Variants in DNAH17 observed in about 807,000 individuals in gnomAD.
The protein encoded by DNAH17 is dynein axonemal heavy chain 17.
DNAH17 carries 376 observed loss-of-function variants against 485.6 expected under a neutral mutation model. The ratio of observed to expected loss-of-function variants is 0.77; its 90% CI spans 0.71 to 0.84. The LOEUF (loss-of-function observed/expected upper bound fraction) is 0.84. DNAH17 is among the 40% of genes least tolerant of loss of function. The pLI is 0.00. For synonymous variants in DNAH17, 3,031 were observed against 2,405.9 expected (o/e 1.26, Z -7.60); for missense variants, 6,370 against 5,839.3 (o/e 1.09, Z -2.96).
intron 46 of DNAH17, 47 bp downstream of exon 46, chr17:78,485,901 ACTGCACCGATTC>A: frequency 6.3e-7 from 1 of 1,589,514 alleles, no homozygotes; most frequent in South Asian, 1.1e-5. Context: ...TGTGGAGGGT[ACTGCACCGATTC>A]CTGCCTCTAA....
chr17:78,503,211 G>A (rs2090363333), intron 31 of DNAH17, among the ~76,000 whole-genome samples, 200 bp from the exon 32 acceptor site: 1 of 118,248 alleles, frequency 8.5e-6, no homozygotes, highest in African/African-American at 3.3e-5. Context: ...ATGGAGTCTT[G>A]CTCTGTCACC....
In DNAH17 at chr17:78,486,266, G is replaced by A. The variant is rs749161639; in HGVS notation, c.7059C>T (p.Phe2353=). The A allele has an allele frequency of 6.1e-5, 98 of 1,602,442 alleles. No individual in the cohort carries two copies. Among genetic ancestry groups the A allele is most frequent in the Non-Finnish European group, 7.7e-5 (90 of 1,171,692 alleles). Reference sequence around the variant, plus strand: ...CGCCACCGAAGGCCCAGAAGCAGGTGAACACGAAGTACAGCTCGTACAGCT... The same window carrying A: ...CGCCACCGAAGGCCCAGAAGCAGGTAAACACGAAGTACAGCTCGTACAGCT... The part of the protein sequence containing the change: ...PRELYELYFV[F]TCFWAFGGAM... Residue 2353 remains phenylalanine, a synonymous_variant, in exon 45 of 81, where the codon TTC becomes TTT. Transcript: ENST00000389840.
chr17:78,428,182 G>A (rs1020818222), intron 77 of DNAH17: 1 of 388,418 alleles, frequency 2.6e-6, no homozygotes, highest in East Asian at 6.0e-5. Flanking sequence ...GTGCTGGCCA[G>A]GCCAGGGTGG....
intron 76 of DNAH17, 111 bp downstream of exon 76, chr17:78,429,010 G>T: frequency 1.7e-6 from 2 of 1,151,674 alleles, no homozygotes; most frequent in Non-Finnish European, 2.5e-6. Flanking sequence ...CTCTTATTTT[G>T]GCTGCCTGGG....
Position 78,561,807 on chromosome 17 carries a change from G to T in DNAH17, c.1743C>A (p.Asn581Lys), listed in dbSNP as rs1220406134. Residue 581 changes from asparagine to lysine, a missense_variant, in exon 12 of 81, where the codon AAC becomes AAA. Asn to Lys is a moderately conservative substitution (Grantham distance 94). Transcript: ENST00000389840. Reference sequence around the variant, plus strand: ...TGAGCTGCCCGGCCACGGGAGGCATGTTTTTGTGGATCAGGGGGATGTTCC... The same window carrying T: ...TGAGCTGCCCGGCCACGGGAGGCATTTTTTTGTGGATCAGGGGGATGTTCC... ...EEGNIPLIHKNMPPVAGQLKW... is the reference protein window; with the variant it reads ...EEGNIPLIHKKMPPVAGQLKW... 2 of 1,613,780 alleles carry T rather than the reference G, an allele frequency of 1.2e-6. No homozygotes were observed. The highest frequency in any genetic ancestry group is 2.7e-5 in the African/African-American group (2 of 74,946).
In DNAH17 at chr17:78,451,626, C is replaced by A; in HGVS notation, c.10577G>T (p.Arg3526Leu). ...DKEVEYHPKF[R>L]LILHTKYFNP... ...GAAGTACTTGGTGTGTAGGATCAGGCGGAACTTGGGGTGGTACTCCACCTC... is the reference window on the plus strand; with the variant it reads ...GAAGTACTTGGTGTGTAGGATCAGGAGGAACTTGGGGTGGTACTCCACCTC... The change falls in exon 66 of 81, where the codon CGC becomes CTC. Residue 3526 changes from arginine (R) to leucine (L), a missense_variant. By Grantham distance (102) the Arg-to-Leu change is moderately radical. Coordinates refer to ENST00000389840, the MANE Select transcript of DNAH17 (RefSeq NM_173628.4). 1 of 1,599,324 alleles carries A rather than the reference C, an allele frequency of 6.3e-7. No individual in the cohort carries two copies. Among genetic ancestry groups the A allele is most frequent in the Non-Finnish European group, 8.5e-7 (1 of 1,173,084 alleles).
intron 68 of DNAH17, chr17:78,449,912 G>T: frequency 2.3e-6 from 1 of 434,462 alleles, no homozygotes; most frequent in South Asian, 3.1e-5. Flanking sequence ...CTGACCTCAG[G>T]TGATCCACCC....
chr17:78,575,959 G>T (rs148644243), intron 1 of DNAH17, among the ~76,000 whole-genome samples: 266 of 152,364 alleles, frequency 1.7e-3, no homozygotes, highest in African/African-American at 5.8e-3. Context: ...GGCGAGTTCT[G>T]CAAGGGCAGG....
chr17:78,475,979 G>T (rs2088998361), intron 52 of DNAH17, 146 bp from the exon 53 acceptor site: 5 of 885,982 alleles, frequency 5.6e-6, no homozygotes, highest in Non-Finnish European at 8.4e-6. Flanking sequence ...CAAACCTGCT[G>T]CCGTGGGCCC....
At chr17:78,551,434 C>T in intron 16 of DNAH17, 101 bp downstream of exon 16, 1 of 1,051,126 alleles carries the variant, frequency 9.5e-7, no homozygotes, top group Non-Finnish European at 1.4e-6. Flanking sequence ...CTGCACCCCA[C>T]ACATCGCAGC....
Position 78,444,804 on chromosome 17 carries a change from G to A in DNAH17, c.11335-7C>T. 1.9e-6 allele frequency: 3 copies of A among 1,555,590 alleles called. No homozygotes were observed. In the South Asian group the frequency reaches 3.7e-5, roughly 19 times the overall value. On this transcript the variant is annotated splice_polypyrimidine_tract_variant and splice_region_variant and intron_variant, in intron 70 of 80. Transcript: ENST00000389840. ...CATCCATCTCCGAGAGGGCCTAGGG[G>A]CAGAGGCAGCGGGCCCTGTGACTCT...
At chr17:78,448,247 C>T (rs1387831579) in intron 69 of DNAH17, among the ~76,000 whole-genome samples, 1 of 151,800 alleles carries the variant, frequency 6.6e-6, no homozygotes, top group Non-Finnish European at 1.5e-5. Flanking sequence ...CACTTGTATT[C>T]CCAGCTACAG....
At chr17:78,540,903 G>A (rs1422272573) in intron 17 of DNAH17, among the ~76,000 whole-genome samples, 2 of 68 alleles carry the variant, frequency 0.029, no homozygotes, top group Non-Finnish European at 0.077. Flanking sequence ...GGGTGGGTGG[G>A]TGGGTGGGTG....
chr17:78,492,243 C>T (rs1478230865), intron 42 of DNAH17, among the ~76,000 whole-genome samples: 3 of 152,160 alleles, frequency 2.0e-5, no homozygotes, highest in Non-Finnish European at 2.9e-5. Context: ...AGTGACGCCA[C>T]CTCCTGGGGG....
chr17:78,477,352 G>A (rs143272456), intron 51 of DNAH17, among the ~76,000 whole-genome samples: 23 of 151,558 alleles, frequency 1.5e-4, no homozygotes, highest in African/African-American at 5.4e-4. Flanking sequence ...GTGAGAGCAT[G>A]GCATTTGGGC....
rs754128346 is a variant in DNAH17, at chr17:78,532,630, C to G, written c.2966G>C (p.Arg989Thr). 1 of 1,602,526 alleles carries G rather than the reference C, an allele frequency of 6.2e-7. No individual in the cohort carries two copies. Among genetic ancestry groups the G allele is most frequent in the Non-Finnish European group, 8.5e-7 (1 of 1,174,122 alleles). The change falls in exon 20 of 81, where the codon AGG (arginine) becomes ACG (threonine). Residue 989 changes from arginine to threonine, a missense_variant. Transcript: ENST00000389840. ...GTTGTCCGTCCAGAGGTAGGAGTAC[C>G]TCTCAAAGGAATCCTGGTACTCCTC... ...EAEEYQDSFE[R>T]YSYLWTDNLQ...
chr17:78,485,492 G>T, intron 47 of DNAH17, 58 bp downstream of exon 47: 1 of 1,504,090 alleles, frequency 6.6e-7, no homozygotes, highest in Non-Finnish European at 9.0e-7. Flanking sequence ...GGGACAGGAG[G>T]GAACGGGGAC....
In DNAH17 at chr17:78,450,805, C is replaced by G. The variant is rs1468302549; in HGVS notation, c.10776G>C (p.Leu3592=). 3 of 1,613,944 alleles carry G rather than the reference C, an allele frequency of 1.9e-6. No homozygotes were observed. The highest frequency in any genetic ancestry group is 2.7e-5 in the African/African-American group (2 of 74,960). ...TKSQNEFKIV[L]KELEDSLLAR... ...CCAGGAGCGAATCTTCCAGCTCTTT[C>G]AGAACAATCTTAAATTCGTTTTGAG... The change falls in exon 67 of 81, where the codon CTG becomes CTC. Residue 3592 remains leucine, a synonymous_variant. Transcript: ENST00000389840.
chr17:78,468,030 AAAAG>A (rs1234583354), intron 55 of DNAH17, among the ~76,000 whole-genome samples: 58 of 102,752 alleles, frequency 5.6e-4, no homozygotes, highest in Non-Finnish European at 8.8e-4. Flanking sequence ...AAAAAAAAAA[AAAAG>A]AGAGAGAGAG....
Sources: gnomAD v4.1 joint callset for allele counts (sites outside exome capture counted in the v4.1 genomes callset) on GRCh38, gnomAD v4.1.1 for gene constraint, MANE v1.5 for transcripts, NCBI Gene and HGNC (gene_info 2026-07-23, HGNC 2026-07-21) for gene names.